Variants in HIPK2 observed in about 807,000 individuals in gnomAD.
The protein encoded by HIPK2 is homeodomain-interacting protein kinase 2.
A neutral mutation model predicts 113.7 loss-of-function variants in HIPK2; 27 were observed. The ratio of observed to expected loss-of-function variants is 0.24; its 90% CI spans 0.17 to 0.33. The LOEUF (loss-of-function observed/expected upper bound fraction) is 0.33. Among genes scored for constraint, HIPK2 ranks in the 10% least tolerant of loss-of-function variants. The probability of loss-of-function intolerance (pLI) is 1.00; values close to 1 mark genes in which losing one functional copy is unlikely to be tolerated. For synonymous variants in HIPK2, 631 were observed against 642.2 expected (o/e 0.98, Z 0.26); for missense variants, 1,257 against 1,588.0 (o/e 0.79, Z 3.54).
At chr7:139,698,584 A>C (rs955663479) in intron 2 of HIPK2, among the ~76,000 whole-genome samples, 32 of 152,362 alleles carry the variant, frequency 2.1e-4, no homozygotes, top group African/African-American at 6.5e-4. Context: ...CAGCGATGTA[A>C]GAGCGTTCCT....
intron 11 of HIPK2, among the ~76,000 whole-genome samples, chr7:139,597,526 C>T (rs191778014): frequency 8.2e-4 from 125 of 152,324 alleles, no homozygotes; most frequent in African/African-American, 2.0e-3. Flanking sequence ...TCTAAAGGAC[C>T]TAACCTTGGT....
chr7:139,692,496 T>A (rs1429896337), intron 2 of HIPK2, among the ~76,000 whole-genome samples: 1 of 152,184 alleles, frequency 6.6e-6, no homozygotes, highest in African/African-American at 2.4e-5. Context: ...CAGGACAGGT[T>A]CTTTTCCTGT....
intron 1 of HIPK2, among the ~76,000 whole-genome samples, chr7:139,773,803 G>C (rs1796693675): frequency 6.6e-6 from 1 of 152,208 alleles, no homozygotes; most frequent in African/African-American, 2.4e-5. Context: ...CCACCTCTGG[G>C]TGCTCCCTTG....
At chr7:139,702,707 A>C (rs1383210516) in intron 2 of HIPK2, among the ~76,000 whole-genome samples, 1 of 152,206 alleles carries the variant, frequency 6.6e-6, no homozygotes, top group African/African-American at 2.4e-5. Context: ...TCATGTCAGA[A>C]GCAAGGGGAG....
rs775130505 is a variant in HIPK2 at position 139,716,819 on chromosome 7, C to A, written c.216G>T (p.Pro72=). The change falls in exon 2 of 15, where the codon CCG becomes CCT. Residue 72 remains proline (P), a synonymous_variant. Coordinates refer to ENST00000406875, the MANE Select transcript of HIPK2 (RefSeq NM_022740.5). The surrounding 1 kb of genome is among the most constrained non-coding windows in gnomAD (Gnocchi z 9.3). ...PATTTVSTSL[P]VPNPSLPYEQ... is the part of the protein sequence containing the mutation. ...CGTAAGGTAGGCTTGGGTTTGGGAC[C>A]GGCAAGGAGGTGCTGACGGTTGTGG... is the stretch of plus-strand genomic sequence containing the variant. 14 of 1,613,642 alleles carry A rather than the reference C, an allele frequency of 8.7e-6. No individual in the cohort carries two copies. In the African/African-American group the frequency reaches 1.9e-4, roughly 22 times the overall value.
At chr7:139,592,622 T>C (rs917061158) in intron 12 of HIPK2, among the ~76,000 whole-genome samples, 1 of 152,194 alleles carries the variant, frequency 6.6e-6, no homozygotes, top group Non-Finnish European at 1.5e-5. Context: ...AAAGGTTGTA[T>C]GCTACAGCCT....
In HIPK2 at chr7:139,571,048, A is replaced by T. The variant is rs1028439860; in HGVS notation, c.*1879T>A. 1 of 152,242 alleles carries T rather than the reference A, an allele frequency of 6.6e-6. No homozygotes were observed. The highest frequency in any genetic ancestry group is 2.4e-5 in the African/African-American group (1 of 41,444). The allele number at this position is 152,242 out of a possible 1,614,324, so 9.4% of individuals were successfully genotyped here. On this transcript the variant is annotated 3_prime_UTR_variant, in exon 15 of 15. Transcript: ENST00000406875. ...ATTTCTTTGGAAATTCAACTGTGTG[A>T]GTTTTTCCAAAGTGCAGCGTCAGAC...
intron 1 of HIPK2, among the ~76,000 whole-genome samples, chr7:139,755,944 A>C (rs552012998): frequency 6.6e-6 from 1 of 152,202 alleles, no homozygotes; most frequent in South Asian, 2.1e-4. Flanking sequence ...CCTTTCAGAC[A>C]AATGTTTTCT....
Position 139,565,004 on chromosome 7 carries a change from ATTCAC to A in HIPK2, c.*7918_*7922del, listed in dbSNP as rs1798051960. ...GTTGTAAAGATGAGCTATTTTCAGA[ATTCAC>A]TTAAGCAACGATGACCGGGGGTATG... is the stretch of plus-strand genomic sequence containing the variant. On this transcript the variant is annotated 3_prime_UTR_variant, in exon 15 of 15. Coordinates refer to ENST00000406875, the MANE Select transcript of HIPK2 (RefSeq NM_022740.5). 1 of 152,192 alleles carries A rather than the reference ATTCAC, an allele frequency of 6.6e-6. No individual in the cohort carries two copies. The highest frequency in any genetic ancestry group is 2.4e-5 in the African/African-American group (1 of 41,440). The allele number at this position is 152,192 out of a possible 1,614,324, so 9.4% of individuals were successfully genotyped here. A position where few individuals can be genotyped will look rare whatever the true frequency, so the allele number is the denominator to read the frequency against.
In HIPK2 at chr7:139,572,587, G is replaced by C. The variant is rs2116450003; in HGVS notation, c.*340C>G. On this transcript the variant is annotated 3_prime_UTR_variant, in exon 15 of 15. Coordinates refer to ENST00000406875, the MANE Select transcript of HIPK2 (RefSeq NM_022740.5). ...CCAGTTTGGCGTAGAATGGGTTCTT[G>C]AGCTGGGTTTTTTGTTATTGACTTT... 4.8e-6 allele frequency: 1 copy of C among 208,288 alleles called. No homozygotes were observed. The allele number at this position is 208,288 out of a possible 1,614,324, so 12.9% of individuals were successfully genotyped here.
At chr7:139,775,034 C>G (rs1016519144) in intron 1 of HIPK2, among the ~76,000 whole-genome samples, 2 of 152,200 alleles carry the variant, frequency 1.3e-5, no homozygotes, top group African/African-American at 4.8e-5. Context: ...ATTAATGTAT[C>G]TGGGCCTTCA....
chr7:139,721,967 C>T (rs1409397960), intron 1 of HIPK2: 2 of 404,088 alleles, frequency 4.9e-6, no homozygotes, highest in Admixed American at 2.7e-5. Flanking sequence ...CAGGGAGTCA[C>T]CATAACCTAG....
intron 1 of HIPK2, among the ~76,000 whole-genome samples, chr7:139,760,912 T>C (rs1173194605): frequency 1.3e-5 from 2 of 152,200 alleles, no homozygotes; most frequent in Non-Finnish European, 2.9e-5. Context: ...AACACAGATT[T>C]TCAAGATTAT....
intron 2 of HIPK2, among the ~76,000 whole-genome samples, chr7:139,706,309 CCT>C (rs913849562): frequency 2.2e-4 from 33 of 152,214 alleles, no homozygotes; most frequent in African/African-American, 6.5e-4. Flanking sequence ...GCGGGCGGCC[CCT>C]GTGATTCAGG....
In HIPK2 at chr7:139,573,350, C is replaced by A. The variant is rs1444773116; in HGVS notation, c.3174G>T (p.Gln1058His). The A allele has an allele frequency of 6.2e-7, 1 of 1,605,410 alleles. No homozygotes were observed. The highest frequency in any genetic ancestry group is 8.5e-7 in the Non-Finnish European group (1 of 1,179,810). The change falls in exon 15 of 15, where the codon CAG (glutamine) becomes CAT (histidine). Residue 1058 changes from glutamine (Q) to histidine (H), a missense_variant. Gln to His is a conservative substitution (Grantham distance 24). Coordinates refer to ENST00000406875, the MANE Select transcript of HIPK2 (RefSeq NM_022740.5). The part of the protein sequence containing the change: ...TTDRTGSHRR[Q>H]QAYITPTMAQ... ...CCATGGTGGGAGTGATGTAGGCCTGCTGCCTTCGGTGGCTCCCAGTGCGGT... is the reference window on the plus strand; with the variant it reads ...CCATGGTGGGAGTGATGTAGGCCTGATGCCTTCGGTGGCTCCCAGTGCGGT...
chr7:139,600,378 C>G lies in HIPK2; in HGVS notation c.2435+39G>C, dbSNP rs1799379296. The G allele has an allele frequency of 4.4e-6, 7 of 1,597,308 alleles. No homozygotes were observed. The African/African-American group carries it at 6.7e-5, about 15-fold the overall frequency. ...TACATTTCTTTAGCACTCACATCCC[C>G]TGGGATTTCTCTTCCCTAGGGTGGC... On this transcript the variant is annotated intron_variant, in intron 11 of 14. Coordinates refer to ENST00000406875, the MANE Select transcript of HIPK2 (RefSeq NM_022740.5).
chr7:139,777,683 G>T lies in HIPK2; in HGVS notation c.-60C>A. 1 of 1,057,750 alleles carries T rather than the reference G, an allele frequency of 9.5e-7. No homozygotes were observed. The highest frequency in any genetic ancestry group is 1.1e-6 in the Non-Finnish European group (1 of 877,388). 65.5% of individuals were successfully genotyped at this position (1,057,750 alleles called of 1,614,324 possible). On this transcript the variant is annotated 5_prime_UTR_variant, in exon 1 of 15. Transcript: ENST00000406875. ...GACGGGAAAGCGGCGCGCGAGCTCG[G>T]CCCCCCCAGCCTCAGTCGGAATCTG...
chr7:139,684,930 G>T (rs931415336), intron 2 of HIPK2, among the ~76,000 whole-genome samples: 40 of 152,300 alleles, frequency 2.6e-4, no homozygotes, highest in Admixed American at 7.8e-4. Context: ...ACTCCCTTCA[G>T]CCAAAGCCTA....
At chr7:139,677,191 G>A (rs1466880649) in intron 2 of HIPK2, among the ~76,000 whole-genome samples, 1 of 149,424 alleles carries the variant, frequency 6.7e-6, no homozygotes, top group Non-Finnish European at 1.5e-5. Flanking sequence ...TGGGATGTGT[G>A]TGTATGTGTG....
Sources: allele counts gnomAD v4.1 joint callset (sites outside exome capture counted in the v4.1 genomes callset), GRCh38; gene constraint gnomAD v4.1.1; non-coding constraint Gnocchi (gnomAD v3.1); transcripts MANE v1.5; gene names NCBI Gene and HGNC (gene_info 2026-07-23, HGNC 2026-07-21).